The following CELF6 variants were observed in gnomAD, a reference collection of about 807,000 sequenced individuals.
CELF6 encodes Bruno -like 6, RNA binding protein.
CELF6 carries 32 observed loss-of-function variants against 53.1 expected under a neutral mutation model. The observed-to-expected ratio is 0.60, with a 90% CI of 0.46 to 0.81. The LOEUF (loss-of-function observed/expected upper bound fraction) is 0.81, where lower values mean the gene tolerates loss of function less well. CELF6 is among the 30% of genes least tolerant of loss of function. The probability of loss-of-function intolerance (pLI) is 0.00; values close to 1 mark genes in which losing one functional copy is unlikely to be tolerated. For synonymous variants in CELF6, 291 were observed against 288.8 expected (o/e 1.01, Z -0.08); for missense variants, 539 against 669.5 (o/e 0.81, Z 2.15).
In CELF6 at chr15:72,319,825, C is replaced by A. The variant is rs1398298049; in HGVS notation, c.50G>T (p.Arg17Leu). The A allele has an allele frequency of 1.9e-6, 3 of 1,549,788 alleles. No individual in the cohort carries two copies. The highest frequency in any genetic ancestry group is 3.9e-5 in the Admixed American group (2 of 51,132). ...GCTGTCCGCGGTGCTGAAACCCAGG[C>A]GCGGGCCGGGGCCAGCGGGCTGCGC... ...GSAQPAGPGPRLGFSTADSGV... is the reference protein window; with the variant it reads ...GSAQPAGPGPLLGFSTADSGV... The change falls in exon 1 of 13, where the codon CGC becomes CTC. Residue 17 changes from arginine (R) to leucine (L), a missense_variant. Around this residue, in one of 3 missense-constraint regions of CELF6, gnomAD observed 84 missense variants for 87.9 expected, o/e 0.96. Coordinates refer to ENST00000287202, the MANE Select transcript of CELF6 (RefSeq NM_052840.5). The surrounding 1 kb of genome is among the most constrained non-coding windows in gnomAD (Gnocchi z 5.0).
chr15:72,307,295 A>G (rs2088244118), intron 2 of CELF6, among the ~76,000 whole-genome samples: 1 of 152,032 alleles, frequency 6.6e-6, no homozygotes, highest in South Asian at 2.1e-4. Flanking sequence ...CGGGTGGTAC[A>G]TACATGTTCC....
Position 72,289,279 on chromosome 15 carries a change from A to G in CELF6, c.889T>C (p.Ser297Pro). 1 of 1,573,816 alleles carries G rather than the reference A, an allele frequency of 6.4e-7. No homozygotes were observed. The highest frequency in any genetic ancestry group is 8.6e-7 in the Non-Finnish European group (1 of 1,164,994). The change falls in exon 8 of 13, where the codon TCC (serine) becomes CCC (proline). Residue 297 changes from serine to proline, a missense_variant. Coordinates refer to ENST00000287202, the MANE Select transcript of CELF6 (RefSeq NM_052840.5). The surrounding 1 kb of genome is among the most constrained non-coding windows in gnomAD (Gnocchi z 7.6). ...APLLPAAAANSPPGSGPGTLP... is the reference protein window; with the variant it reads ...APLLPAAAANPPPGSGPGTLP... The stretch of plus-strand genomic sequence containing the variant: ...GTGCCAGGGCCGCTGCCAGGCGGGG[A>G]GTTGGCTGCTGATGGCGGAAAAGGT...
chr15:72,287,343 C>T lies in CELF6; in HGVS notation c.1368G>A (p.Ala456=), dbSNP rs1485077855. The T allele has an allele frequency of 4.3e-6, 7 of 1,613,972 alleles. No individual in the cohort carries two copies. The African/African-American group carries it at 5.3e-5, about 12-fold the overall frequency. Residue 456 remains alanine, a synonymous_variant, in exon 12 of 13, where the codon GCG becomes GCA. Transcript: ENST00000287202. ...TCATGCCAATTTGAAAGCCATTCATCGCCTGAATAGCAGTCTGGGCACTAG... is the reference window on the plus strand; with the variant it reads ...TCATGCCAATTTGAAAGCCATTCATTGCCTGAATAGCAGTCTGGGCACTAG... The part of the protein sequence containing the change: ...NPTSAQTAIQ[A]MNGFQIGMKR...
At position 72,319,594 on chromosome 15, in the gene CELF6, C is replaced by T; in HGVS notation, c.262+19G>A. 6.7e-7 allele frequency: 1 copy of T among 1,493,072 alleles called. No homozygotes were observed. The highest frequency in any genetic ancestry group is 1.4e-5 in the African/African-American group (1 of 70,686). 92.5% of individuals were successfully genotyped at this position (1,493,072 alleles called of 1,614,324 possible). ...CTAATCGGATTGGGGCTGGGCTGGG[C>T]TGGGCTGACCCCGCGCACCTTTGTG... On this transcript the variant is annotated intron_variant, in intron 1 of 12. Transcript: ENST00000287202. This position sits in a 1 kb window ranked among gnomAD's most constrained non-coding sequence, Gnocchi z 5.0.
intron 12 of CELF6, 29 bp downstream of exon 12, chr15:72,287,208 C>T: frequency 6.3e-7 from 1 of 1,592,288 alleles, no homozygotes; most frequent in Admixed American, 1.7e-5. Flanking sequence ...ACTCAGGCCT[C>T]ATCTACCTGG....
At chr15:72,312,770 G>A (rs1312859097) in intron 2 of CELF6, among the ~76,000 whole-genome samples, 1 of 152,180 alleles carries the variant, frequency 6.6e-6, no homozygotes, top group Non-Finnish European at 1.5e-5. Flanking sequence ...TTAAAGTCTT[G>A]TCCCTGCTTC....
chr15:72,319,863 C>G lies in CELF6; in HGVS notation c.12G>C (p.Ala4=). Residue 4 remains alanine, a synonymous_variant, in exon 1 of 13, where the codon GCG becomes GCC. Transcript: ENST00000287202. This position sits in a 1 kb window ranked among gnomAD's most constrained non-coding sequence, Gnocchi z 5.0. The part of the protein sequence containing the change: MAA[A]PGGSAQPAGP... ...CAGCGGGCTGCGCTGACCCTCCCGG[C>G]GCCGCGGCCATGTCCCCGCCCTGTC... The G allele has an allele frequency of 6.6e-7, 1 of 1,506,368 alleles. No homozygotes were observed. Among genetic ancestry groups the G allele is most frequent in the Non-Finnish European group, 8.9e-7 (1 of 1,127,542 alleles). 93.3% of individuals were successfully genotyped at this position (1,506,368 alleles called of 1,614,324 possible).
intron 2 of CELF6, among the ~76,000 whole-genome samples, chr15:72,310,180 C>A (rs1275937137): frequency 6.6e-6 from 1 of 152,162 alleles, no homozygotes; most frequent in Non-Finnish European, 1.5e-5. Context: ...ACTCCCCATT[C>A]CATGGGAAGA....
intron 3 of CELF6, among the ~76,000 whole-genome samples, chr15:72,291,748 C>T (rs1595776047): frequency 6.6e-6 from 1 of 152,146 alleles, no homozygotes; most frequent in Admixed American, 6.5e-5. Flanking sequence ...TCTGACGATG[C>T]TATGTCTGTG....
At position 72,289,174 on chromosome 15, in the gene CELF6, C is replaced by G. The variant is rs2087964980; in HGVS notation, c.994G>C (p.Asp332His). The G allele has an allele frequency of 6.4e-7, 1 of 1,557,466 alleles. No individual in the cohort carries two copies. ...GAGAGCCCGTTATTGTAGAGCGTGT[C>G]GGAGCCCGGCTGGCCATTGGTCTGG... ...TPQTNGQPGS[D>H]TLYNNGLSPY... is the part of the protein sequence containing the mutation. The change falls in exon 8 of 13, where the codon GAC becomes CAC. Residue 332 changes from aspartate to histidine, a missense_variant. This residue lies in a region of CELF6 where 358 missense variants were observed against 412.8 expected (regional missense o/e 0.87). Transcript: ENST00000287202. The surrounding 1 kb of genome is among the most constrained non-coding windows in gnomAD (Gnocchi z 7.6).
chr15:72,290,172 T>C lies in CELF6; in HGVS notation c.478A>G (p.Ile160Val). 2.5e-6 allele frequency: 4 copies of C among 1,613,986 alleles called. No individual in the cohort carries two copies. The highest frequency in any genetic ancestry group is 3.4e-6 in the Non-Finnish European group (4 of 1,180,006). The change falls in exon 4 of 13, where the codon ATC becomes GTC. Residue 160 changes from isoleucine (I) to valine (V), a missense_variant. Around this residue, in one of 3 missense-constraint regions of CELF6, gnomAD observed 97 missense variants for 168.8 expected, o/e 0.57. Transcript: ENST00000287202. ...CTCCGCAGGACCGTGCACTCCTCGA[T>C]GTGGCCAAAGGGCTGGAACAGGCGT... ...VRRLFQPFGH[I>V]EECTVLRSPD...
At chr15:72,310,408 C>T (rs1157621388) in intron 2 of CELF6, among the ~76,000 whole-genome samples, 2 of 152,164 alleles carry the variant, frequency 1.3e-5, no homozygotes, top group African/African-American at 4.8e-5. Flanking sequence ...CCTCTTATCT[C>T]CTTTCCTGGC....
At chr15:72,306,292 G>T (rs964044666) in intron 2 of CELF6, 2 of 985,278 alleles carry the variant, frequency 2.0e-6, no homozygotes, top group East Asian at 1.1e-4. Context: ...CGGCCTTCCC[G>T]TTCATGGAGG....
rs2087937681 is a variant in CELF6, at chr15:72,287,478, C to T, written c.1319-86G>A. On this transcript the variant is annotated intron_variant, in intron 11 of 12. Coordinates refer to ENST00000287202, the MANE Select transcript of CELF6 (RefSeq NM_052840.5). ...CTGACCAGCCCCCTCCTCTTCCAGC[C>T]CCGTCAGGCCAGTTCCATCAAACAC... 4.1e-5 allele frequency: 62 copies of T among 1,507,346 alleles called. No homozygotes were observed. The South Asian group carries it at 6.0e-4, about 15-fold the overall frequency. The allele number at this position is 1,507,346 out of a possible 1,614,324, so 93.4% of individuals were successfully genotyped here.
Position 72,289,269 on chromosome 15 carries a change from C to T in CELF6, c.899G>A (p.Gly300Asp). Reference sequence around the variant, plus strand: ...ACCTGGGAGGGTGCCAGGGCCGCTGCCAGGCGGGGAGTTGGCTGCTGATGG... The same window carrying T: ...ACCTGGGAGGGTGCCAGGGCCGCTGTCAGGCGGGGAGTTGGCTGCTGATGG... ...LPAAAANSPPGSGPGTLPGLP... is the reference protein window; with the variant it reads ...LPAAAANSPPDSGPGTLPGLP... Residue 300 changes from glycine (G) to aspartate (D), a missense_variant, in exon 8 of 13, where the codon GGC becomes GAC. By Grantham distance (94) the Gly-to-Asp change is moderately conservative. Coordinates refer to ENST00000287202, the MANE Select transcript of CELF6 (RefSeq NM_052840.5). This position sits in a 1 kb window ranked among gnomAD's most constrained non-coding sequence, Gnocchi z 7.6. 1.9e-6 allele frequency: 3 copies of T among 1,578,874 alleles called. No homozygotes were observed. The highest frequency in any genetic ancestry group is 1.2e-5 in the South Asian group (1 of 86,832).
intron 2 of CELF6, among the ~76,000 whole-genome samples, chr15:72,311,094 A>C (rs1042504266): frequency 1.3e-5 from 2 of 152,184 alleles, no homozygotes; most frequent in Admixed American, 6.5e-5. Flanking sequence ...ATCTCTGCAA[A>C]GCATCTACTC....
Position 72,289,965 on chromosome 15 carries a change from C to A in CELF6, c.577G>T (p.Gly193Cys). 6.3e-7 allele frequency: 1 copy of A among 1,580,678 alleles called. No individual in the cohort carries two copies. The highest frequency in any genetic ancestry group is 8.6e-7 in the Non-Finnish European group (1 of 1,163,916). Residue 193 changes from glycine (G) to cysteine (C), a missense_variant, in exon 5 of 13, where the codon GGT becomes TGT. By Grantham distance (159) the Gly-to-Cys change is radical (BLOSUM62 -3). Around this residue, in one of 3 missense-constraint regions of CELF6, gnomAD observed 358 missense variants for 412.8 expected, o/e 0.87. Transcript: ENST00000287202. The surrounding 1 kb of genome is among the most constrained non-coding windows in gnomAD (Gnocchi z 7.6). ...SQGEAQAAIR[G>C]LHGSRTMAGA... ...GCCATGGTCCGGCTGCCGTGCAGAC[C>A]CCGGATGGCCGCCTGAGCTTCCCCT...
chr15:72,289,681 G>A lies in CELF6; in HGVS notation c.693C>T (p.Gly231=). The change falls in exon 6 of 13, where the codon GGC becomes GGT. Residue 231 remains glycine (G), a synonymous_variant. Transcript: ENST00000287202. The surrounding 1 kb of genome is among the most constrained non-coding windows in gnomAD (Gnocchi z 7.6). The part of the protein sequence containing the change: ...RRMQQMAGHL[G]AFHPAPLPLG... The stretch of plus-strand genomic sequence containing the variant: ...GCGGCAGTGGCGCGGGGTGGAAGGC[G>A]CCCAGGTGGCCGGCCATCTGCTGCA... The A allele has an allele frequency of 6.7e-7, 1 of 1,491,010 alleles. No individual in the cohort carries two copies. The allele number at this position is 1,491,010 out of a possible 1,614,324, so 92.4% of individuals were successfully genotyped here.
At chr15:72,290,383 G>A in intron 3 of CELF6, 128 bp from the exon 4 acceptor site, 2 of 1,145,704 alleles carry the variant, frequency 1.7e-6, no homozygotes, top group Non-Finnish European at 2.4e-6. Flanking sequence ...GAAGGCCCTG[G>A]GCTTCCAGGG....
Sources: allele counts gnomAD v4.1 joint callset (sites outside exome capture counted in the v4.1 genomes callset), GRCh38; gene constraint gnomAD v4.1.1; regional missense constraint gnomAD v4.1.1; non-coding constraint Gnocchi (gnomAD v3.1); transcripts MANE v1.5; gene names NCBI Gene and HGNC (gene_info 2026-07-23, HGNC 2026-07-21).